VAV3: variants seen among roughly 807,000 people sequenced by gnomAD.
The protein encoded by VAV3 is guanine nucleotide exchange factor VAV3.
VAV3 carries 94 observed loss-of-function variants against 131.2 expected under a neutral mutation model. The observed-to-expected ratio is 0.72, with a 90% CI of 0.61 to 0.85. The LOEUF is 0.85. Among genes scored for constraint, VAV3 ranks in the 40% least tolerant of loss-of-function variants. The probability of loss-of-function intolerance (pLI) is 0.00; values close to 1 mark genes in which losing one functional copy is unlikely to be tolerated. For synonymous variants in VAV3, 349 were observed against 342.0 expected (o/e 1.02, Z -0.22); for missense variants, 939 against 1,002.7 (o/e 0.94, Z 0.86).
intron 1 of VAV3, among the ~76,000 whole-genome samples, chr1:107,947,828 C>T (rs1321108247): frequency 2.0e-5 from 3 of 152,158 alleles, no homozygotes; most frequent in African/African-American, 7.2e-5. Flanking sequence ...ATTAAATAAT[C>T]ACTCAATGAC....
chr1:107,795,733 G>C (rs377422505), intron 2 of VAV3, among the ~76,000 whole-genome samples: 1 of 152,202 alleles, frequency 6.6e-6, no homozygotes, highest in South Asian at 2.1e-4. Context: ...GGCTTTAATA[G>C]TTTAGAAACA....
At chr1:107,689,562 A>G (rs999246748) in intron 17 of VAV3, among the ~76,000 whole-genome samples, 1 of 151,738 alleles carries the variant, frequency 6.6e-6, no homozygotes, top group African/African-American at 2.4e-5. Flanking sequence ...ATTAATGGAA[A>G]TGGAAGATCC....
chr1:107,645,478 C>T (rs10465781), intron 19 of VAV3, among the ~76,000 whole-genome samples: 21,148 of 152,040 alleles, frequency 0.14, 1,835 homozygotes, highest in Middle Eastern at 0.25. Flanking sequence ...ATTCTGACAA[C>T]TTGCTCTTTG....
chr1:107,611,128 C>G (rs1652693784), intron 21 of VAV3, among the ~76,000 whole-genome samples: 1 of 152,130 alleles, frequency 6.6e-6, no homozygotes, highest in African/African-American at 2.4e-5. Context: ...ATTCCACATC[C>G]CTAATCCAAA....
chr1:107,859,476 G>A (rs552972441), intron 2 of VAV3, among the ~76,000 whole-genome samples: 7 of 151,950 alleles, frequency 4.6e-5, no homozygotes, highest in African/African-American at 1.7e-4. Flanking sequence ...AATAATTCTC[G>A]ATGACTGATT....
At chr1:107,898,231 A>G (rs1220936225) in intron 1 of VAV3, among the ~76,000 whole-genome samples, 2 of 152,320 alleles carry the variant, frequency 1.3e-5, no homozygotes, top group East Asian at 3.9e-4. Flanking sequence ...GGAATTACAC[A>G]CAACAAATTT....
At chr1:107,843,656 C>A (rs1440045638) in intron 2 of VAV3, among the ~76,000 whole-genome samples, 2 of 151,848 alleles carry the variant, frequency 1.3e-5, no homozygotes, top group Non-Finnish European at 2.9e-5. Context: ...TCAGAAGGGG[C>A]TGGAACATAG....
chr1:107,911,175 A>G (rs913455122), intron 1 of VAV3, among the ~76,000 whole-genome samples: 1 of 152,242 alleles, frequency 6.6e-6, no homozygotes, highest in Non-Finnish European at 1.5e-5. Flanking sequence ...CCTATTACGA[A>G]AAGAGTATTT....
intron 20 of VAV3, among the ~76,000 whole-genome samples, chr1:107,620,739 A>G (rs1653523187): frequency 6.6e-6 from 1 of 152,146 alleles, no homozygotes; most frequent in Non-Finnish European, 1.5e-5. Flanking sequence ...GCAATGTCAC[A>G]AAGCAGAGAA....
At position 107,964,705 on chromosome 1, in the gene VAV3, G is replaced by C. The variant is rs567648027; in HGVS notation, c.165C>G (p.Ile55Met). 78 of 1,614,092 alleles carry C rather than the reference G, an allele frequency of 4.8e-5. No homozygotes were observed. The South Asian group carries it at 8.1e-4, about 17-fold the overall frequency. The change falls in exon 1 of 27, where the codon ATC (isoleucine) becomes ATG (methionine). Residue 55 changes from isoleucine to methionine, a missense_variant. Physicochemically the swap from Ile to Met is conservative, Grantham distance 10. Transcript: ENST00000370056. ...GCCTCAGGTTGATCTCCTTCAGGTT[G>C]ATGGAGTGCGCCCGGAGGTTGTTAA... The part of the protein sequence containing the change: ...QLLNNLRAHS[I>M]NLKEINLRPQ...
chr1:107,720,379 T>C (rs886965078), intron 15 of VAV3, among the ~76,000 whole-genome samples: 4 of 67,910 alleles, frequency 5.9e-5, no homozygotes, highest in African/African-American at 2.5e-4. Context: ...TGAGACACTG[T>C]CTCAAAAATA....
At chr1:107,623,582 T>C (rs1480899903) in intron 20 of VAV3, among the ~76,000 whole-genome samples, 1 of 152,206 alleles carries the variant, frequency 6.6e-6, no homozygotes, top group Non-Finnish European at 1.5e-5. Flanking sequence ...TTCTTGGCAG[T>C]ACACATATTC....
chr1:107,801,059 C>T (rs1401934385), intron 2 of VAV3, among the ~76,000 whole-genome samples: 1 of 152,006 alleles, frequency 6.6e-6, no homozygotes, highest in Non-Finnish European at 1.5e-5. Flanking sequence ...CCCAGTACTA[C>T]TTATTAAAGA....
At chr1:107,837,564 G>C (rs1668530032) in intron 2 of VAV3, among the ~76,000 whole-genome samples, 1 of 152,034 alleles carries the variant, frequency 6.6e-6, no homozygotes, top group Non-Finnish European at 1.5e-5. Context: ...AACCAAAAAA[G>C]AGCCCAAATA....
intron 19 of VAV3, among the ~76,000 whole-genome samples, chr1:107,655,202 C>A (rs554452474): frequency 2.6e-4 from 39 of 152,190 alleles, no homozygotes; most frequent in African/African-American, 9.4e-4. Context: ...CTGGAGATAT[C>A]ACACTACCTG....
Position 107,838,606 on chromosome 1 carries a change from A to G in VAV3, c.321+36295T>C, listed in dbSNP as rs545360124. Among the ~76,000 whole-genome samples, 19 of 152,318 alleles carry G rather than the reference A, an allele frequency of 1.2e-4. No individual in the cohort carries two copies. In the South Asian group the frequency reaches 3.1e-3, roughly 25 times the overall value. The stretch of plus-strand genomic sequence containing the variant: ...CAATCCAGCAATCCAATTACTGGGT[A>G]TACAACCAAAGGAAAATAAATCATT... On this transcript the variant is annotated intron_variant, in intron 2 of 26. Coordinates refer to ENST00000370056, the MANE Select transcript of VAV3 (RefSeq NM_006113.5).
intron 15 of VAV3, among the ~76,000 whole-genome samples, chr1:107,737,421 C>A (rs1662723370): frequency 1.3e-5 from 2 of 152,170 alleles, no homozygotes; most frequent in South Asian, 2.1e-4. Flanking sequence ...AACAGGCAAC[C>A]TACAGAATGG....
chr1:107,877,924 A>C (rs571968894), intron 1 of VAV3, among the ~76,000 whole-genome samples: 2 of 152,284 alleles, frequency 1.3e-5, no homozygotes, highest in Non-Finnish European at 2.9e-5. Flanking sequence ...GGCTCTGTGC[A>C]CATATAGGAA....
At chr1:107,770,370 C>G (rs1304989730) in intron 6 of VAV3, among the ~76,000 whole-genome samples, 2 of 151,864 alleles carry the variant, frequency 1.3e-5, no homozygotes, top group Non-Finnish European at 2.9e-5. Flanking sequence ...TGCTTACATT[C>G]TAATCCTCCC....
Sources: gnomAD v4.1 joint callset for allele counts (sites outside exome capture counted in the v4.1 genomes callset) on GRCh38, gnomAD v4.1.1 for gene constraint, MANE v1.5 for transcripts, NCBI Gene and HGNC (gene_info 2026-07-23, HGNC 2026-07-21) for gene names.